Variants in KDM6A observed in about 807,000 individuals in gnomAD.
KDM6A encodes the protein lysine-specific demethylase 6A.
Under a neutral mutation model 117.6 loss-of-function variants are expected in KDM6A, and 11 were observed. The observed-to-expected ratio is 0.09, with a 90% CI of 0.06 to 0.15. KDM6A has a LOEUF of 0.15. Among genes scored for constraint, KDM6A ranks in the 10% least tolerant of loss-of-function variants. The pLI, the probability that KDM6A is intolerant of heterozygous loss-of-function variation, is 1.00. For missense variants in KDM6A, 799 were observed against 1,077.3 expected (o/e 0.74, Z 3.62); for synonymous variants, 384 against 396.1 (o/e 0.97, Z 0.36).
chrX:44,899,945 A>G (rs1341774703), intron 2 of KDM6A, among the ~76,000 whole-genome samples: 2 of 112,309 alleles, frequency 1.8e-5, no homozygotes, highest in Non-Finnish European at 3.8e-5. Flanking sequence ...TGTTTCTATT[A>G]GGGCGTGACC....
At chrX:44,992,597 C>A (rs2040672767) in intron 4 of KDM6A, among the ~76,000 whole-genome samples, 1 of 109,112 alleles carries the variant, frequency 9.2e-6, no homozygotes, top group African/African-American at 3.3e-5. Context: ...GTTTCCCAGG[C>A]TGGAGTGCAG....
At chrX:44,911,165 C>T (rs1453567288) in intron 2 of KDM6A, among the ~76,000 whole-genome samples, 22 of 105,391 alleles carry the variant, frequency 2.1e-4, no homozygotes, top group Non-Finnish European at 3.7e-4. Context: ...GCTGGCCGGG[C>T]GGGGGCTGCC....
At position 44,881,708 on chromosome X, in the gene KDM6A, A is replaced by G. The variant is rs892677860; in HGVS notation, c.225+7721A>G. ...ATTTTGTCTTTTTTTTTTTTTTGAG[A>G]TGGCATTTCACTTTTGTTGCCCAGG... On this transcript the variant is annotated intron_variant, in intron 2 of 29. Transcript: ENST00000611820. Among the ~76,000 whole-genome samples, 27 of 96,426 alleles carry G rather than the reference A, an allele frequency of 2.8e-4. No individual in the cohort carries two copies. The East Asian group carries it at 7.0e-3, about 25-fold the overall frequency. The allele number at this position is 96,426 out of a possible 115,157, so 83.7% of individuals were successfully genotyped here. A position where few individuals can be genotyped will look rare whatever the true frequency, so the allele number is the denominator to read the frequency against.
At chrX:45,046,952 T>TCTGC (rs765225432) in intron 8 of KDM6A, among the ~76,000 whole-genome samples, 6 of 109,751 alleles carry the variant, frequency 5.5e-5, no homozygotes, top group Non-Finnish European at 1.1e-4. Flanking sequence ...GTAGCTCTAT[T>TCTGC]CTGGCAGTCT....
intron 4 of KDM6A, among the ~76,000 whole-genome samples, chrX:44,977,429 G>GTTTTTTTT (rs202089775): frequency 1.9e-5 from 2 of 106,143 alleles, no homozygotes; most frequent in African/African-American, 3.4e-5. Flanking sequence ...TAATTTTTAA[G>GTTTTTTTT]TTTTTTTTTT....
intron 26 of KDM6A, among the ~76,000 whole-genome samples, chrX:45,090,201 C>A (rs1476479106): frequency 9.0e-6 from 1 of 111,596 alleles, no homozygotes; most frequent in African/African-American, 3.3e-5. Context: ...TTTAAAAAAA[C>A]CCTTATGAGA....
chrX:45,034,011 T>A (rs1040688133), intron 6 of KDM6A, among the ~76,000 whole-genome samples: 1 of 111,619 alleles, frequency 9.0e-6, no homozygotes, highest in African/African-American at 3.3e-5. Context: ...TCATTTTTTT[T>A]AATGCTTTCC....
chrX:44,985,789 T>C (rs900980482), intron 4 of KDM6A, among the ~76,000 whole-genome samples: 2 of 111,904 alleles, frequency 1.8e-5, no homozygotes, highest in African/African-American at 6.5e-5. Context: ...AGCTTTTTGA[T>C]GTGCTGCTGG....
intron 28 of KDM6A, 63 bp downstream of exon 28, chrX:45,107,599 C>G (rs2148291223): frequency 8.8e-7 from 1 of 1,137,768 alleles, no homozygotes; most frequent in East Asian, 3.0e-5. Context: ...CTGTTGGTTT[C>G]TCTTTATTTT....
At chrX:45,045,095 C>G (rs1196668622) in intron 8 of KDM6A, among the ~76,000 whole-genome samples, 3 of 111,755 alleles carry the variant, frequency 2.7e-5, no homozygotes, top group Non-Finnish European at 5.6e-5. Flanking sequence ...ACCATTTTGA[C>G]CAGTTTTAAG....
At chrX:44,885,887 G>A (rs895740277) in intron 2 of KDM6A, among the ~76,000 whole-genome samples, 8 of 109,796 alleles carry the variant, frequency 7.3e-5, no homozygotes, top group African/African-American at 2.3e-4. Context: ...AAATTCCTAC[G>A]TCATCTCTCA....
intron 27 of KDM6A, among the ~76,000 whole-genome samples, chrX:45,096,602 T>A (rs762692355): frequency 8.9e-5 from 10 of 112,146 alleles, no homozygotes; most frequent in Non-Finnish European, 1.7e-4. Context: ...TTGTAAACCC[T>A]TTAGACTAAA....
intron 4 of KDM6A, among the ~76,000 whole-genome samples, chrX:45,006,156 G>C (rs2041468763): frequency 1.2e-5 from 1 of 82,485 alleles, no homozygotes; most frequent in Non-Finnish European, 2.4e-5. Context: ...GTCCCCCCCA[G>C]CCCTGCGCCC....
At chrX:44,940,301 G>C (rs1450641753) in intron 2 of KDM6A, among the ~76,000 whole-genome samples, 1 of 111,063 alleles carries the variant, frequency 9.0e-6, no homozygotes, top group Non-Finnish European at 1.9e-5. Flanking sequence ...TGATCCGTCC[G>C]CCTCAGCCTC....
chrX:44,934,420 G>A (rs938145593), intron 2 of KDM6A, among the ~76,000 whole-genome samples: 1 of 111,833 alleles, frequency 8.9e-6, no homozygotes, highest in Non-Finnish European at 1.9e-5. Flanking sequence ...GGGCCATTTT[G>A]TATGTAATAT....
intron 2 of KDM6A, among the ~76,000 whole-genome samples, chrX:44,896,859 G>T (rs1278478166): frequency 1.8e-5 from 2 of 109,152 alleles, no homozygotes; most frequent in African/African-American, 6.7e-5. Context: ...TTGAATTGGT[G>T]TTCCCCTATA....
At chrX:45,040,088 C>T (rs7059580) in intron 8 of KDM6A, among the ~76,000 whole-genome samples, 1 of 50,666 alleles carries the variant, frequency 2.0e-5, no homozygotes, top group Non-Finnish European at 3.6e-5. Context: ...TAGGGGCGGC[C>T]GGGCAGAAGC....
Position 44,932,084 on chromosome X carries a change from C to CTTTTTTTT in KDM6A, c.226-29179_226-29172dup, listed in dbSNP as rs796121677. Reference sequence around the variant, plus strand: ...GCTGGTCCTGATTGCTCTAGGTAGCCTTTTTTTTTTTTTTTTTTTTTTTTT... The same window carrying CTTTTTTTT: ...GCTGGTCCTGATTGCTCTAGGTAGCCTTTTTTTTTTTTTTTTTTTTTTTTTTTTTTTTT... On this transcript the variant is annotated intron_variant, in intron 2 of 29. Coordinates refer to ENST00000611820, the MANE Select transcript of KDM6A (RefSeq NM_001291415.2). Among the ~76,000 whole-genome samples, 112 of 17,095 alleles carry CTTTTTTTT rather than the reference C, an allele frequency of 6.6e-3. 16 individuals carry two copies. Among genetic ancestry groups the CTTTTTTTT allele is most frequent in the African/African-American group, 7.2e-3 (32 of 4,418 alleles). The allele number at this position is 17,095 out of a possible 115,157, so 14.8% of individuals were successfully genotyped here.
intron 2 of KDM6A, among the ~76,000 whole-genome samples, chrX:44,959,270 A>G (rs1234573211): frequency 1.8e-5 from 2 of 109,725 alleles, no homozygotes; most frequent in Non-Finnish European, 3.8e-5. Flanking sequence ...AAAATCAACC[A>G]TTCTGGTTTT....
Sources: allele counts gnomAD v4.1 joint callset (sites outside exome capture counted in the v4.1 genomes callset), GRCh38; gene constraint gnomAD v4.1.1; transcripts MANE v1.5; gene names NCBI Gene and HGNC (gene_info 2026-07-23, HGNC 2026-07-21).